SLC39A11: variants seen among roughly 807,000 people sequenced by gnomAD.
SLC39A11 encodes zinc transporter ZIP11.
Under a neutral mutation model 36.1 loss-of-function variants are expected in SLC39A11, and 33 were observed. The observed-to-expected ratio is 0.91, with a 90% confidence interval of 0.69 to 1.22. The LOEUF (loss-of-function observed/expected upper bound fraction) is 1.22, where lower values mean the gene tolerates loss of function less well. Ranked by LOEUF, SLC39A11 falls within the 50% of genes most tolerant of loss-of-function variation. The pLI, the probability that SLC39A11 is intolerant of heterozygous loss-of-function variation, is 0.00. For synonymous variants in SLC39A11, 166 were observed against 170.3 expected, an observed-to-expected ratio of 0.97 and a Z score of 0.20; for missense variants, 432 against 430.3, an observed-to-expected ratio of 1.00 and a Z score of -0.03.
chr17:72,969,649 C>G (rs2087287163), intron 4 of SLC39A11, among the ~76,000 whole-genome samples: 1 of 151,698 alleles, frequency 6.6e-6, no homozygotes, highest in African/African-American at 2.4e-5. Context: ...CTAATATTTC[C>G]TCTACATTAT....
intron 7 of SLC39A11, among the ~76,000 whole-genome samples, chr17:72,656,859 G>A (rs1258793227): frequency 1.3e-5 from 2 of 151,998 alleles, no homozygotes; most frequent in South Asian, 2.1e-4. Context: ...TTTAAACATC[G>A]AAGGCCGGGC....
At chr17:72,896,100 G>GT (rs2082011810) in intron 5 of SLC39A11, among the ~76,000 whole-genome samples, 1 of 146,516 alleles carries the variant, frequency 6.8e-6, no homozygotes, top group South Asian at 2.2e-4. Context: ...TATGATTTTT[G>GT]TAATAGATAG....
rs1441802943 is a variant in SLC39A11 at position 73,015,078 on chromosome 17, A to T, written c.306+16478T>A. Among the ~76,000 whole-genome samples the T allele has an allele frequency of 4.6e-5, 7 of 152,060 alleles. No homozygotes were observed. In the South Asian group the frequency reaches 1.2e-3, roughly 27 times the overall value. ...ACTGTATTCCCTTCCACGCCCATCT[A>T]TCCCTCCCAAATACTGAGTTTCCAT... On this transcript the variant is annotated intron_variant, in intron 4 of 9. Transcript: ENST00000255559.
chr17:72,852,507 C>T (rs1454046910), intron 5 of SLC39A11, among the ~76,000 whole-genome samples: 2 of 152,156 alleles, frequency 1.3e-5, no homozygotes, highest in African/African-American at 4.8e-5. Context: ...TCCTCCCAGA[C>T]AGTATTTACA....
At chr17:72,683,044 C>T (rs879256442) in intron 7 of SLC39A11, among the ~76,000 whole-genome samples, 8 of 152,230 alleles carry the variant, frequency 5.3e-5, no homozygotes, top group South Asian at 2.1e-4. Context: ...GGAACTGTCA[C>T]TCACAGCACC....
At chr17:72,992,952 G>A (rs1042191688) in intron 4 of SLC39A11, 2 of 152,238 alleles carry the variant, frequency 1.3e-5, no homozygotes, top group African/African-American at 4.8e-5. Context: ...CATCTTACAT[G>A]CTGGCAGACA....
At chr17:72,978,501 A>T (rs1242894697) in intron 4 of SLC39A11, among the ~76,000 whole-genome samples, 1 of 152,134 alleles carries the variant, frequency 6.6e-6, no homozygotes, top group Non-Finnish European at 1.5e-5. Flanking sequence ...GTCAGGGAGG[A>T]GCTTGGGAGG....
intron 5 of SLC39A11, among the ~76,000 whole-genome samples, chr17:72,931,101 G>C (rs1405900776): frequency 6.6e-6 from 1 of 152,090 alleles, no homozygotes; most frequent in Non-Finnish European, 1.5e-5. Flanking sequence ...CCTCACTCCA[G>C]CCTTGGATAG....
intron 7 of SLC39A11, among the ~76,000 whole-genome samples, chr17:72,664,925 C>T (rs1382683238): frequency 6.6e-6 from 1 of 152,228 alleles, no homozygotes; most frequent in African/African-American, 2.4e-5. Flanking sequence ...GCTGTTCCTC[C>T]AGAATGCCTG....
At chr17:72,691,826 T>G (rs2072040846) in intron 7 of SLC39A11, among the ~76,000 whole-genome samples, 1 of 152,174 alleles carries the variant, frequency 6.6e-6, no homozygotes, top group Non-Finnish European at 1.5e-5. Context: ...CAGATCTTTC[T>G]CTGCCAGCTA....
At chr17:72,926,005 G>T (rs114866575) in intron 5 of SLC39A11, among the ~76,000 whole-genome samples, 1,831 of 152,292 alleles carry the variant, frequency 0.012, 41 homozygotes, top group African/African-American at 0.039. Flanking sequence ...TGAAATCAAT[G>T]CTTAAACTCT....
At chr17:72,708,591 G>A (rs60898162) in intron 7 of SLC39A11, among the ~76,000 whole-genome samples, 42,018 of 151,950 alleles carry the variant, frequency 0.28, 6,265 homozygotes, top group Non-Finnish European at 0.33. Context: ...TCCTAATATC[G>A]GGGATGGTCT....
chr17:72,806,106 A>T (rs1469866217), intron 6 of SLC39A11, among the ~76,000 whole-genome samples: 1 of 152,072 alleles, frequency 6.6e-6, no homozygotes, highest in Non-Finnish European at 1.5e-5. Context: ...ACGAAGAGAG[A>T]CCTGTTCCAG....
intron 5 of SLC39A11, among the ~76,000 whole-genome samples, chr17:72,858,936 T>G (rs891870057): frequency 2.6e-5 from 4 of 152,260 alleles, no homozygotes; most frequent in Non-Finnish European, 5.9e-5. Context: ...TCATGCCATA[T>G]GCAAACAGGA....
intron 4 of SLC39A11, among the ~76,000 whole-genome samples, chr17:72,976,832 G>C (rs938197279): frequency 7.3e-5 from 11 of 151,144 alleles, no homozygotes; most frequent in Admixed American, 6.6e-4. Context: ...CCTGGCAACA[G>C]AGCAAGACTC....
At chr17:73,000,937 T>C (rs2089784855) in intron 4 of SLC39A11, among the ~76,000 whole-genome samples, 1 of 152,222 alleles carries the variant, frequency 6.6e-6, no homozygotes, top group South Asian at 2.1e-4. Context: ...GTTGTGAGCT[T>C]TACCCCAGAA....
At chr17:73,081,670 C>CATATATATATATATGTATAT in intron 3 of SLC39A11, among the ~76,000 whole-genome samples, 1 of 82,206 alleles carries the variant, frequency 1.2e-5, no homozygotes, top group Non-Finnish European at 2.3e-5. Flanking sequence ...CACACACACA[C>CATATATATATATATGTATAT]ATATATATAC....
chr17:72,854,181 G>A (rs968683485), intron 5 of SLC39A11, among the ~76,000 whole-genome samples: 2 of 152,100 alleles, frequency 1.3e-5, no homozygotes, highest in Non-Finnish European at 2.9e-5. Flanking sequence ...GTAAATTGAA[G>A]AACAGAGAGG....
At chr17:72,893,224 A>G (rs2081850431) in intron 5 of SLC39A11, among the ~76,000 whole-genome samples, 1 of 152,202 alleles carries the variant, frequency 6.6e-6, no homozygotes, top group Non-Finnish European at 1.5e-5. Flanking sequence ...GCACTTTGGG[A>G]GGCTGAGTCA....
Sources: gnomAD v4.1 joint callset for allele counts (sites outside exome capture counted in the v4.1 genomes callset) on GRCh38, gnomAD v4.1.1 for gene constraint, MANE v1.5 for transcripts, NCBI Gene and HGNC (gene_info 2026-07-23, HGNC 2026-07-21) for gene names.